Variants in PPFIA4 observed in about 807,000 individuals in gnomAD.
PPFIA4 encodes the protein liprin-alpha-4.
A neutral mutation model predicts 145.7 loss-of-function variants in PPFIA4; 98 were observed. That is an observed-to-expected ratio of 0.67 (90% confidence interval 0.57 to 0.80). The LOEUF is 0.80. Among genes scored for constraint, PPFIA4 ranks in the 30% least tolerant of loss-of-function variants. The probability of loss-of-function intolerance (pLI) is 0.00; values close to 1 mark genes in which losing one functional copy is unlikely to be tolerated. For missense variants in PPFIA4, 1,457 were observed against 1,632.7 expected, an observed-to-expected ratio of 0.89 and a Z score of 1.85; for synonymous variants, 628 against 649.6, an observed-to-expected ratio of 0.97 and a Z score of 0.51.
rs1305792938 is a variant in PPFIA4, at chr1:203,060,083, A to G, written c.2584-134A>G. On this transcript the variant is annotated intron_variant, in intron 21 of 29. Coordinates refer to ENST00000295706, the MANE Select transcript of PPFIA4 (RefSeq NM_001304331.2). This position sits in a 1 kb window ranked among gnomAD's most constrained non-coding sequence, Gnocchi z 4.8. Reference sequence around the variant, plus strand: ...AAATGGGAGAGTGAGGGGTTTGATGACCGCCACATTCCTATGATCTGTATT... The same window carrying G: ...AAATGGGAGAGTGAGGGGTTTGATGGCCGCCACATTCCTATGATCTGTATT... The G allele has an allele frequency of 2.3e-6, 2 of 865,722 alleles. No homozygotes were observed. The highest frequency in any genetic ancestry group is 1.8e-6 in the Non-Finnish European group (1 of 550,548). The allele number at this position is 865,722 out of a possible 1,614,324, so 53.6% of individuals were successfully genotyped here.
intron 24 of PPFIA4, among the ~76,000 whole-genome samples, chr1:203,062,350 G>T (rs1357204346): frequency 4.6e-5 from 7 of 151,340 alleles, no homozygotes; most frequent in African/African-American, 1.7e-4. Flanking sequence ...CATGGTGGCG[G>T]GCGCCTGTAG....
rs532293234 is a variant in PPFIA4, at chr1:203,039,264, C to G, written c.234+22C>G. 2.6e-6 allele frequency: 4 copies of G among 1,526,292 alleles called. No homozygotes were observed. In the South Asian group the frequency reaches 4.9e-5, roughly 19 times the overall value. The allele number at this position is 1,526,292 out of a possible 1,614,324, so 94.5% of individuals were successfully genotyped here. A position where few individuals can be genotyped will look rare whatever the true frequency, so the allele number is the denominator to read the frequency against. On this transcript the variant is annotated intron_variant, in intron 2 of 29. Coordinates refer to ENST00000295706, the MANE Select transcript of PPFIA4 (RefSeq NM_001304331.2). ...CCAGGTAAGGCCCGAAGGCCTGCGTCTCTCTTAACCCCTTTCCCTCCTCTA... is the reference window on the plus strand; with the variant it reads ...CCAGGTAAGGCCCGAAGGCCTGCGTGTCTCTTAACCCCTTTCCCTCCTCTA...
Position 203,055,488 on chromosome 1 carries a change from G to A in PPFIA4, c.1886G>A (p.Arg629His), listed in dbSNP as rs374505956. The change falls in exon 16 of 30, where the codon CGT (arginine) becomes CAT (histidine). Residue 629 changes from arginine (R) to histidine (H), a missense_variant. Transcript: ENST00000295706. The surrounding 1 kb of genome is among the most constrained non-coding windows in gnomAD (Gnocchi z 4.8). ...TELRAEEIET[R>H]VTSGSMEALN... ...CTCCGCGCGGAGGAGATTGAGACGC[G>A]TGTAACCAGTGGCAGCATGGAAGCC... 9.2e-5 allele frequency: 148 copies of A among 1,613,996 alleles called. 1 individual carries two copies. In the African/African-American group the frequency reaches 1.5e-3, roughly 17 times the overall value.
At position 203,075,536 on chromosome 1, in the gene PPFIA4, C is replaced by T. The variant is rs752408328; in HGVS notation, c.3394-41C>T. 7.4e-7 allele frequency: 1 copy of T among 1,357,778 alleles called. No individual in the cohort carries two copies. Among genetic ancestry groups the T allele is most frequent in the Non-Finnish European group, 9.5e-7 (1 of 1,049,032 alleles). 84.1% of individuals were successfully genotyped at this position (1,357,778 alleles called of 1,614,324 possible). On this transcript the variant is annotated intron_variant, in intron 28 of 29. Coordinates refer to ENST00000295706, the MANE Select transcript of PPFIA4 (RefSeq NM_001304331.2). The surrounding 1 kb of genome is among the most constrained non-coding windows in gnomAD (Gnocchi z 4.1). ...CAGGCAGGGCGTGAGGATGGCAATT[C>T]CAACAGGGCCCTCGGGCCTCTGGTG...
At chr1:203,074,390 G>A (rs1662374363) in intron 28 of PPFIA4, among the ~76,000 whole-genome samples, 1 of 152,116 alleles carries the variant, frequency 6.6e-6, no homozygotes, top group African/African-American at 2.4e-5. Flanking sequence ...AAAAGGGACA[G>A]TAAAAGTATT....
At chr1:203,071,071 T>C (rs1662121351) in intron 27 of PPFIA4, among the ~76,000 whole-genome samples, 1 of 151,788 alleles carries the variant, frequency 6.6e-6, no homozygotes, top group Admixed American at 6.6e-5. Context: ...CCTGCCCAAC[T>C]AACTGGTAGC....
Position 203,049,758 on chromosome 1 carries a change from T to A in PPFIA4, c.1502T>A (p.Val501Asp). 20 of 1,582,882 alleles carry A rather than the reference T, an allele frequency of 1.3e-5. No individual in the cohort carries two copies. The highest frequency in any genetic ancestry group is 1.7e-5 in the Non-Finnish European group (20 of 1,164,330). ...KGRGGPFVDGVHSRSHMGSAA... is the reference protein window; with the variant it reads ...KGRGGPFVDGDHSRSHMGSAA... ...CGAGGGGGGCCGTTTGTGGATGGCG[T>A]CCACTCCAGGTACTGCAGCGCCAGA... Residue 501 changes from valine to aspartate, a missense_variant, in exon 13 of 30, where the codon GTC becomes GAC. Val to Asp is a radical substitution (Grantham distance 152, BLOSUM62 -3). This residue lies in a region of PPFIA4 where 848 missense variants were observed against 1,046.7 expected (regional missense o/e 0.81). Coordinates refer to ENST00000295706, the MANE Select transcript of PPFIA4 (RefSeq NM_001304331.2).
In PPFIA4 at chr1:203,078,595, CA is replaced by C; in HGVS notation, c.*2206del. The C allele has an allele frequency of 6.6e-6, 1 of 152,606 alleles. No individual in the cohort carries two copies. Among genetic ancestry groups the C allele is most frequent in the South Asian group, 2.1e-4 (1 of 4,824 alleles). The allele number at this position is 152,606 out of a possible 1,614,324, so 9.5% of individuals were successfully genotyped here. A position where few individuals can be genotyped will look rare whatever the true frequency, so the allele number is the denominator to read the frequency against. ...AGTCACCAGTGACCCGAGCCCTCCACACCAGCCTCCTGTATCTCATCAGGTC... is the reference window on the plus strand; with the variant it reads ...AGTCACCAGTGACCCGAGCCCTCCACCCAGCCTCCTGTATCTCATCAGGTC... On this transcript the variant is annotated 3_prime_UTR_variant, in exon 30 of 30. Transcript: ENST00000295706.
At position 203,068,728 on chromosome 1, in the gene PPFIA4, TG is replaced by T; in HGVS notation, c.3324+104del. The T allele has an allele frequency of 7.9e-7, 1 of 1,269,154 alleles. No homozygotes were observed. 78.6% of individuals were successfully genotyped at this position (1,269,154 alleles called of 1,614,324 possible). A position where few individuals can be genotyped will look rare whatever the true frequency, so the allele number is the denominator to read the frequency against. On this transcript the variant is annotated intron_variant, in intron 27 of 29. Coordinates refer to ENST00000295706, the MANE Select transcript of PPFIA4 (RefSeq NM_001304331.2). This position sits in a 1 kb window ranked among gnomAD's most constrained non-coding sequence, Gnocchi z 4.7. ...ACAAAGGCTTAGGTATCTTGGGGGG[TG>T]GGGAGCTTTTCTAGGGCCTATGCCA... is the stretch of plus-strand genomic sequence containing the variant.
In PPFIA4 at chr1:203,048,591, G is replaced by C; in HGVS notation, c.1233G>C (p.Gln411His). The change falls in exon 11 of 30, where the codon CAG becomes CAC. Residue 411 changes from glutamine to histidine, a missense_variant. By Grantham distance (24) the Gln-to-His change is conservative. Transcript: ENST00000295706. The surrounding 1 kb of genome is among the most constrained non-coding windows in gnomAD (Gnocchi z 5.8). ...GGCAGACGGCTGTGCAGGTGCGCCA[G>C]CGGGAAAAGATGAATGAGGACCACA... ...EKNQELARVR[Q>H]REKMNEDHNK... 6.3e-7 allele frequency: 1 copy of C among 1,584,602 alleles called. No homozygotes were observed. The highest frequency in any genetic ancestry group is 8.6e-7 in the Non-Finnish European group (1 of 1,166,576).
In PPFIA4 at chr1:203,030,535, G is replaced by T. The variant is rs12407528; in HGVS notation, c.-400+3906G>T. Among the ~76,000 whole-genome samples the T allele has an allele frequency of 7.1e-3, 1,086 of 152,330 alleles. 30 individuals are homozygous for T. Among genetic ancestry groups the T allele is most frequent in the East Asian group, 0.06 (312 of 5,174 alleles). The stretch of plus-strand genomic sequence containing the variant: ...TGGGTGGGGGTAGGTAGAAAGATGG[G>T]ATGGCCCCAGTTCCATGACTTCAGC... On this transcript the variant is annotated intron_variant, in intron 1 of 29. Coordinates refer to ENST00000295706, the MANE Select transcript of PPFIA4 (RefSeq NM_001304331.2).
At chr1:203,034,809 A>T (rs1659109413) in intron 1 of PPFIA4, 1 of 418,226 alleles carries the variant, frequency 2.4e-6, no homozygotes, top group Non-Finnish European at 4.9e-6. Flanking sequence ...AGAAGACATG[A>T]AGTCTGAAGG....
At chr1:203,032,430 T>TTTTTTTTTTTTTTGTTG (rs57892403) in intron 1 of PPFIA4, among the ~76,000 whole-genome samples, 1 of 139,382 alleles carries the variant, frequency 7.2e-6, no homozygotes, top group Non-Finnish European at 1.5e-5. Context: ...TCCCCGCTTT[T>TTTTTTTTTTTTTTGTTG]TTGTTGTTGT....
Position 203,060,491 on chromosome 1 carries a change from T to A in PPFIA4, c.2784+74T>A. The stretch of plus-strand genomic sequence containing the variant: ...TAGTTTGCAAGGTCTCCTGTTGGGC[T>A]TTGGGAAGATGGCAGCATTGAGCCC... On this transcript the variant is annotated intron_variant, in intron 22 of 29. Transcript: ENST00000295706. The surrounding 1 kb of genome is among the most constrained non-coding windows in gnomAD (Gnocchi z 4.8). The A allele has an allele frequency of 6.7e-7, 1 of 1,497,326 alleles. No individual in the cohort carries two copies. The highest frequency in any genetic ancestry group is 9.2e-7 in the Non-Finnish European group (1 of 1,090,350). 92.8% of individuals were successfully genotyped at this position (1,497,326 alleles called of 1,614,324 possible).
chr1:203,053,336 C>T lies in PPFIA4; in HGVS notation c.1621-417C>T, dbSNP rs367987128. Among the ~76,000 whole-genome samples the T allele has an allele frequency of 1.1e-4, 17 of 151,916 alleles. 2 individuals are homozygous for T. The highest frequency in any genetic ancestry group is 7.2e-4 in the Admixed American group (11 of 15,258). On this transcript the variant is annotated intron_variant, in intron 14 of 29. Transcript: ENST00000295706. ...TTGCTTGAGCTCAGAAGTTCACTAC[C>T]AGCCTGGGCAACATGGTGAAACCCC...
intron 14 of PPFIA4, among the ~76,000 whole-genome samples, chr1:203,052,122 C>G (rs796177335): frequency 9.0e-4 from 134 of 149,118 alleles, no homozygotes; most frequent in African/African-American, 3.2e-3. Flanking sequence ...CCCTGAGGCC[C>G]CACTGAAGTG....
chr1:203,030,638 T>C lies in PPFIA4; in HGVS notation c.-400+4009T>C, dbSNP rs190181244. 1.5e-3 allele frequency among the ~76,000 whole-genome samples: 228 copies of C among 152,328 alleles called. 1 individual carries two copies. The highest frequency in any genetic ancestry group is 2.7e-3 in the Non-Finnish European group (183 of 68,034). On this transcript the variant is annotated intron_variant, in intron 1 of 29. Coordinates refer to ENST00000295706, the MANE Select transcript of PPFIA4 (RefSeq NM_001304331.2). ...AGAGCCCCTGGAGTAAGTGGAGCTT[T>C]CATTCTTTCAGTATCACCCCATCCC...
At chr1:203,034,743 A>G (rs1395187746) in intron 1 of PPFIA4, 1 of 456,074 alleles carries the variant, frequency 2.2e-6, no homozygotes, top group Non-Finnish European at 4.4e-6. Flanking sequence ...GGGAAGGCCG[A>G]GGGGAGCTGT....
chr1:203,038,195 G>A (rs1369899511), intron 1 of PPFIA4, among the ~76,000 whole-genome samples: 1 of 152,160 alleles, frequency 6.6e-6, no homozygotes, highest in African/African-American at 2.4e-5. Context: ...TGCCTTGGTT[G>A]GCTTAAGTGA....
Sources: gnomAD v4.1 joint callset for allele counts (sites outside exome capture counted in the v4.1 genomes callset) on GRCh38, gnomAD v4.1.1 for gene constraint, gnomAD v4.1.1 regional missense constraint, Gnocchi (gnomAD v3.1) non-coding constraint, MANE v1.5 for transcripts, NCBI Gene and HGNC (gene_info 2026-07-23, HGNC 2026-07-21) for gene names.